The following HSF2 variants were observed in gnomAD, a reference collection of about 807,000 sequenced individuals.
The protein encoded by HSF2 is heat shock transcription factor 2.
In HSF2, 21 loss-of-function variants were observed where a neutral mutation model predicts 65.0. That is an observed-to-expected ratio of 0.32 (90% confidence interval 0.23 to 0.47). HSF2 has a LOEUF of 0.47. HSF2 is among the 20% of genes least tolerant of loss of function. The pLI, the probability that HSF2 is intolerant of heterozygous loss-of-function variation, is 1.00. For missense variants in HSF2, 499 were observed against 628.1 expected, an observed-to-expected ratio of 0.79 and a Z score of 2.20; for synonymous variants, 225 against 219.1, an observed-to-expected ratio of 1.03 and a Z score of -0.24.
intron 1 of HSF2, among the ~76,000 whole-genome samples, chr6:122,408,806 G>A (rs992328305): frequency 2.0e-5 from 3 of 147,496 alleles, no homozygotes; most frequent in African/African-American, 7.4e-5. Context: ...ATGTTTTAAT[G>A]TTTCCCCCTT....
intron 1 of HSF2, among the ~76,000 whole-genome samples, chr6:122,408,211 C>G (rs1174604797): frequency 6.6e-6 from 1 of 151,970 alleles, no homozygotes; most frequent in African/African-American, 2.4e-5. Context: ...CTGTGCCTGT[C>G]TTCTGCTGTC....
rs1449515266 is a variant in HSF2 at position 122,416,317 on chromosome 6, G to T, written c.531+21G>T. On this transcript the variant is annotated intron_variant, in intron 5 of 12. Transcript: ENST00000368455. Reference sequence around the variant, plus strand: ...GAAAGGTAAGAAGCTCTTTTCCCCAGGACCATAATTTGCATTTGTTTAATG... The same window carrying T: ...GAAAGGTAAGAAGCTCTTTTCCCCATGACCATAATTTGCATTTGTTTAATG... The T allele has an allele frequency of 3.2e-6, 5 of 1,572,220 alleles. No homozygotes were observed. The East Asian group carries it at 1.1e-4, about 35-fold the overall frequency.
intron 4 of HSF2, among the ~76,000 whole-genome samples, chr6:122,414,162 G>A (rs1774069476): frequency 6.6e-6 from 1 of 152,140 alleles, no homozygotes; most frequent in South Asian, 2.1e-4. Context: ...TTGGAAAAGT[G>A]TTATTCAGAG....
chr6:122,429,177 G>T (rs976344294), intron 11 of HSF2, among the ~76,000 whole-genome samples: 1 of 152,042 alleles, frequency 6.6e-6, no homozygotes, highest in African/African-American at 2.4e-5. Flanking sequence ...CTGTGTTTCA[G>T]TAAATATATT....
At chr6:122,418,460 T>C (rs1452610297) in intron 5 of HSF2, among the ~76,000 whole-genome samples, 1 of 152,196 alleles carries the variant, frequency 6.6e-6, no homozygotes, top group Admixed American at 6.5e-5. Flanking sequence ...TAAGAAACAC[T>C]ACTATAAGAT....
intron 9 of HSF2, among the ~76,000 whole-genome samples, chr6:122,423,298 A>G (rs1774275731): frequency 1.3e-5 from 2 of 152,186 alleles, no homozygotes; most frequent in Admixed American, 1.3e-4. Flanking sequence ...ATAATCAGTA[A>G]TGAGATTAAA....
chr6:122,401,965 T>C (rs1362736394), intron 1 of HSF2, among the ~76,000 whole-genome samples: 1 of 152,188 alleles, frequency 6.6e-6, no homozygotes, highest in Non-Finnish European at 1.5e-5. Flanking sequence ...AACCCGAGGC[T>C]CACATGTGGC....
chr6:122,420,312 GA>G (rs1210206765), intron 7 of HSF2, 90 bp downstream of exon 7: 7 of 918,866 alleles, frequency 7.6e-6, no homozygotes, highest in Non-Finnish European at 1.1e-5. Flanking sequence ...GAAGTGTGGT[GA>G]ATAACAATTC....
At chr6:122,412,513 A>T in intron 2 of HSF2, 32 bp downstream of exon 2, 1 of 1,535,736 alleles carries the variant, frequency 6.5e-7, no homozygotes. Context: ...TTGGAGTACC[A>T]TTATCAGCTA....
chr6:122,408,848 A>ATTT (rs372791560), intron 1 of HSF2, among the ~76,000 whole-genome samples: 16 of 141,046 alleles, frequency 1.1e-4, no homozygotes, highest in African/African-American at 3.1e-4. Context: ...TTTTAACTTC[A>ATTT]TTTTTTTTTT....
Position 122,431,419 on chromosome 6 carries a change from T to TG in HSF2, c.1231-11_1231-10insG. ...GAAACAAGTACTTATATATATATTTTTTTCTTTTAGTCTGAGAATAAAGGA... is the reference window on the plus strand; with the variant it reads ...GAAACAAGTACTTATATATATATTTTGTTTCTTTTAGTCTGAGAATAAAGGA... On this transcript the variant is annotated splice_polypyrimidine_tract_variant and intron_variant, in intron 11 of 12. Transcript: ENST00000368455. 1.4e-6 allele frequency: 2 copies of TG among 1,396,804 alleles called. No individual in the cohort carries two copies. Among genetic ancestry groups the TG allele is most frequent in the Non-Finnish European group, 1.9e-6 (2 of 1,033,650 alleles). 86.5% of individuals were successfully genotyped at this position (1,396,804 alleles called of 1,614,324 possible).
At chr6:122,415,922 C>T (rs1326134768) in intron 4 of HSF2, among the ~76,000 whole-genome samples, 1 of 152,132 alleles carries the variant, frequency 6.6e-6, no homozygotes, top group Non-Finnish European at 1.5e-5. Flanking sequence ...GAAGCTGAGG[C>T]ACGAGAATTG....
At chr6:122,410,574 C>A (rs1244249685) in intron 1 of HSF2, among the ~76,000 whole-genome samples, 1 of 151,840 alleles carries the variant, frequency 6.6e-6, no homozygotes, top group East Asian at 1.9e-4. Context: ...CTTCTAACTC[C>A]TTCCTCCCCG....
chr6:122,431,647 TAGAG>T, intron 12 of HSF2, 133 bp downstream of exon 12: 1 of 549,492 alleles, frequency 1.8e-6, no homozygotes, highest in Non-Finnish European at 3.2e-6. Context: ...TTCTAGTATA[TAGAG>T]AAAGTTGAAT....
intron 1 of HSF2, among the ~76,000 whole-genome samples, chr6:122,404,240 T>A (rs1260585474): frequency 6.6e-6 from 1 of 152,200 alleles, no homozygotes; most frequent in Non-Finnish European, 1.5e-5. Flanking sequence ...TTTGGATGAA[T>A]TTGAGCAGTA....
At position 122,432,304 on chromosome 6, in the gene HSF2, G is replaced by A; in HGVS notation, c.*84G>A. 2 of 1,193,786 alleles carry A rather than the reference G, an allele frequency of 1.7e-6. No individual in the cohort carries two copies. The highest frequency in any genetic ancestry group is 2.4e-6 in the Non-Finnish European group (2 of 844,232). 73.9% of individuals were successfully genotyped at this position (1,193,786 alleles called of 1,614,324 possible). A position where few individuals can be genotyped will look rare whatever the true frequency, so the allele number is the denominator to read the frequency against. ...TAAAGTATCATTTGGTACTTTTTTT[G>A]TAAATTGCTTTGTTTTGTTTAATCA... On this transcript the variant is annotated 3_prime_UTR_variant, in exon 13 of 13. Coordinates refer to ENST00000368455, the MANE Select transcript of HSF2 (RefSeq NM_004506.4).
chr6:122,416,145 C>A, intron 4 of HSF2, 76 bp from the exon 5 acceptor site: 3 of 874,932 alleles, frequency 3.4e-6, no homozygotes, highest in Non-Finnish European at 5.6e-6. Context: ...GTCTGGTATT[C>A]TTAATTAAAG....
intron 2 of HSF2, 66 bp downstream of exon 2, chr6:122,412,547 A>AT: frequency 6.4e-7 from 1 of 1,550,690 alleles, no homozygotes; most frequent in South Asian, 1.1e-5. Flanking sequence ...TTTTTTTCCC[A>AT]TTAGGGTGGT....
intron 11 of HSF2, 82 bp from the exon 12 acceptor site, chr6:122,431,348 T>C (rs1774461398): frequency 3.6e-6 from 2 of 562,026 alleles, no homozygotes; most frequent in Non-Finnish European, 5.8e-6. Context: ...ATACCAGTAT[T>C]TACATATTGT....
Sources: allele counts gnomAD v4.1 joint callset (sites outside exome capture counted in the v4.1 genomes callset), GRCh38; gene constraint gnomAD v4.1.1; transcripts MANE v1.5; gene names NCBI Gene and HGNC (gene_info 2026-07-23, HGNC 2026-07-21).